The following ZNF468 variants were observed in gnomAD, a reference collection of about 807,000 sequenced individuals.
The protein encoded by ZNF468 is zinc finger protein 468, also known as zinc finger protein ZNF468.
ZNF468 carries 8 observed loss-of-function variants against 7.2 expected under a neutral mutation model. The ratio of observed to expected loss-of-function variants is 1.11; its 90% confidence interval spans 0.65 to 2.01. The LOEUF (loss-of-function observed/expected upper bound fraction) is 2.01, where lower values mean the gene tolerates loss of function less well. ZNF468 is among the 30% of genes most tolerant of loss of function. ZNF468 has a pLI of 0.00. For missense variants in ZNF468, 608 were observed against 626.5 expected, an observed-to-expected ratio of 0.97 and a Z score of 0.31; for synonymous variants, 218 against 214.4, an observed-to-expected ratio of 1.02 and a Z score of -0.15.
chr19:52,848,271 G>C (rs1568679776), intron 3 of ZNF468, among the ~76,000 whole-genome samples: 1 of 152,106 alleles, frequency 6.6e-6, no homozygotes, highest in Non-Finnish European at 1.5e-5. Context: ...CCAATATGGA[G>C]ATAACAGGTC....
chr19:52,852,241 C>T (rs1334512001), intron 2 of ZNF468, among the ~76,000 whole-genome samples: 1 of 152,024 alleles, frequency 6.6e-6, no homozygotes, highest in Non-Finnish European at 1.5e-5. Flanking sequence ...TGGCTGGCAC[C>T]TGTAATCCCA....
chr19:52,854,579 T>C (rs1435827808), intron 1 of ZNF468, among the ~76,000 whole-genome samples: 2 of 152,120 alleles, frequency 1.3e-5, no homozygotes, highest in Admixed American at 1.3e-4. Context: ...AGGAAATCTC[T>C]ACCAAAAATA....
At position 52,842,012 on chromosome 19, in the gene ZNF468, A is replaced by G; in HGVS notation, c.282T>C (p.Ile94=). The change falls in exon 4 of 4, where the codon ATT becomes ATC. Residue 94 remains isoleucine (I), a synonymous_variant. Transcript: ENST00000595646. ...CTTTCCACTGAAACTCGAAGCCATG[A>G]ATGTCTTTCTCAATTTCATGGAAAC... ...EFCFHEIEKD[I]HGFEFQWKED... The G allele has an allele frequency of 1.2e-6, 2 of 1,613,982 alleles. No individual in the cohort carries two copies. The highest frequency in any genetic ancestry group is 1.3e-5 in the African/African-American group (1 of 75,018).
In ZNF468 at chr19:52,838,237, C is replaced by T. The variant is rs888868903; in HGVS notation, c.*2488G>A. ...ATCAATGTGATATACCACTTGAACA[C>T]AATGAAAGATGAAAACCACATCATC... On this transcript the variant is annotated 3_prime_UTR_variant, in exon 4 of 4. Coordinates refer to ENST00000595646, the MANE Select transcript of ZNF468 (RefSeq NM_001008801.2). 14 of 152,064 alleles carry T rather than the reference C, an allele frequency of 9.2e-5. 1 individual carries two copies. Among genetic ancestry groups the T allele is most frequent in the African/African-American group, 3.1e-4 (13 of 41,386 alleles). 9.4% of individuals were successfully genotyped at this position (152,064 alleles called of 1,614,324 possible). A position where few individuals can be genotyped will look rare whatever the true frequency, so the allele number is the denominator to read the frequency against.
chr19:52,840,572 C>T lies in ZNF468; in HGVS notation c.*153G>A. 1 of 1,388,026 alleles carries T rather than the reference C, an allele frequency of 7.2e-7. No individual in the cohort carries two copies. The highest frequency in any genetic ancestry group is 1.0e-6 in the Non-Finnish European group (1 of 980,706). 86.0% of individuals were successfully genotyped at this position (1,388,026 alleles called of 1,614,324 possible). ...TCCTCCCATTTGTAAGGTTTCTCTC[C>T]AGTATGAAGTCTATGGTGATGTGCA... is the stretch of plus-strand genomic sequence containing the variant. On this transcript the variant is annotated 3_prime_UTR_variant, in exon 4 of 4. Coordinates refer to ENST00000595646, the MANE Select transcript of ZNF468 (RefSeq NM_001008801.2).
Position 52,841,819 on chromosome 19 carries a change from TC to T in ZNF468, c.474del (p.Ile160LeufsTer51), listed in dbSNP as rs1254583204. 6.2e-7 allele frequency: 1 copy of T among 1,613,994 alleles called. No individual in the cohort carries two copies. On this transcript the variant is annotated frameshift_variant, in exon 4 of 4. Coordinates refer to ENST00000595646, the MANE Select transcript of ZNF468 (RefSeq NM_001008801.2). LOFTEE classifies it low-confidence loss of function (END_TRUNC). ...LPEPHIFQSE[G>X]KIGNQVEKSI... is the part of the protein sequence containing the mutation. ...GACTTCTCAACTTGATTACCAATTT[TC>T]CCTTCAGACTGAAATATGTGCGGTT...
intron 1 of ZNF468, among the ~76,000 whole-genome samples, chr19:52,856,039 C>T (rs2063435457): frequency 6.6e-6 from 1 of 152,146 alleles, no homozygotes; most frequent in East Asian, 1.9e-4. Flanking sequence ...TTTTCACATG[C>T]CTGGGTTAAA....
At chr19:52,842,843 A>AAAAAG (rs1568676245) in intron 3 of ZNF468, among the ~76,000 whole-genome samples, 8 of 107,462 alleles carry the variant, frequency 7.4e-5, no homozygotes, top group South Asian at 3.4e-4. Flanking sequence ...AAAAAAAAAG[A>AAAAAG]CATGGCATGG....
chr19:52,848,109 CAG>C (rs1468634146), intron 3 of ZNF468, among the ~76,000 whole-genome samples: 9 of 152,196 alleles, frequency 5.9e-5, no homozygotes, highest in South Asian at 2.1e-4. Context: ...CTCCCACTTG[CAG>C]AGTTTCCTCA....
At chr19:52,852,979 C>T (rs1369954472) in intron 2 of ZNF468, among the ~76,000 whole-genome samples, 2 of 151,686 alleles carry the variant, frequency 1.3e-5, no homozygotes, top group Non-Finnish European at 2.9e-5. Flanking sequence ...CTCAGCCTCC[C>T]AAGTAGCTGG....
intron 2 of ZNF468, among the ~76,000 whole-genome samples, chr19:52,853,146 C>A (rs954556169): frequency 6.6e-6 from 1 of 152,032 alleles, no homozygotes; most frequent in African/African-American, 2.4e-5. Flanking sequence ...TGAGCCACCG[C>A]GCGTGGCCCA....
chr19:52,840,391 T>C lies in ZNF468; in HGVS notation c.*334A>G. ...CTTGCCACACTCATTACACTTATAA[T>C]GAGTTTCTCTCCAGTGTGAATTCTA... On this transcript the variant is annotated 3_prime_UTR_variant, in exon 4 of 4. Transcript: ENST00000595646. 4.1e-6 allele frequency: 2 copies of C among 488,146 alleles called. No individual in the cohort carries two copies. The highest frequency in any genetic ancestry group is 3.8e-6 in the Non-Finnish European group (1 of 261,188). 30.2% of individuals were successfully genotyped at this position (488,146 alleles called of 1,614,324 possible).
At chr19:52,846,051 G>A (rs2063339832) in intron 3 of ZNF468, among the ~76,000 whole-genome samples, 1 of 151,852 alleles carries the variant, frequency 6.6e-6, no homozygotes, top group Non-Finnish European at 1.5e-5. Context: ...TACAGAAACT[G>A]GCATATGTAT....
At chr19:52,846,276 C>T (rs112773531) in intron 3 of ZNF468, among the ~76,000 whole-genome samples, 12 of 151,992 alleles carry the variant, frequency 7.9e-5, no homozygotes, top group Non-Finnish European at 1.2e-4. Context: ...ATCAGCTCAC[C>T]GCAACCTCTG....
At position 52,840,621 on chromosome 19, in the gene ZNF468, C is replaced by T. The variant is rs2063286787; in HGVS notation, c.*104G>A. The T allele has an allele frequency of 8.9e-6, 14 of 1,577,288 alleles. No homozygotes were observed. In the South Asian group the frequency reaches 1.3e-4, roughly 15 times the overall value. On this transcript the variant is annotated 3_prime_UTR_variant, in exon 4 of 4. Coordinates refer to ENST00000595646, the MANE Select transcript of ZNF468 (RefSeq NM_001008801.2). ...CAAAGGTTGCTTTTTGATTAAAAACCTTGCCACATTCATTATGCTTGTAAG... is the reference window on the plus strand; with the variant it reads ...CAAAGGTTGCTTTTTGATTAAAAACTTTGCCACATTCATTATGCTTGTAAG...
intron 2 of ZNF468, 106 bp downstream of exon 2, chr19:52,854,147 GGGTGA>G: frequency 1.9e-6 from 3 of 1,599,324 alleles, no homozygotes; most frequent in Non-Finnish European, 1.7e-6. Flanking sequence ...GCATAAGTGA[GGGTGA>G]GCAAACATGT....
rs1160868561 is a variant in ZNF468, at chr19:52,840,825, G to C, written c.1469C>G (p.Thr490Ser). The change falls in exon 4 of 4, where the codon ACT becomes AGT. Residue 490 changes from threonine to serine, a missense_variant. Thr to Ser is a moderately conservative substitution (Grantham distance 58). Transcript: ENST00000595646. ...ATTACACTTGTAAGGTTTCTCTCCAGTATGAAGCCTACGATGGATTATAAG... is the reference window on the plus strand; with the variant it reads ...ATTACACTTGTAAGGTTTCTCTCCACTATGAAGCCTACGATGGATTATAAG... ...SSLIIHRRLH[T>S]GEKPYKCNEC... 1.9e-6 allele frequency: 3 copies of C among 1,608,192 alleles called. No homozygotes were observed. The highest frequency in any genetic ancestry group is 1.1e-5 in the South Asian group (1 of 90,160).
intron 3 of ZNF468, chr19:52,846,617 A>G (rs948432559): frequency 3.8e-4 from 59 of 155,322 alleles, no homozygotes; most frequent in African/African-American, 1.2e-3. Flanking sequence ...ACGTACTGAA[A>G]GGAATGGACA....
chr19:52,851,128 T>G (rs2063386452), intron 2 of ZNF468, among the ~76,000 whole-genome samples: 1 of 151,808 alleles, frequency 6.6e-6, no homozygotes, highest in Non-Finnish European at 1.5e-5. Context: ...CAAAAAAAAT[T>G]AGCCACGGGT....
Sources: gnomAD v4.1 joint callset for allele counts (sites outside exome capture counted in the v4.1 genomes callset) on GRCh38, gnomAD v4.1.1 for gene constraint, MANE v1.5 for transcripts, NCBI Gene and HGNC (gene_info 2026-07-23, HGNC 2026-07-21) for gene names.